Variants in GSE1 observed in about 807,000 individuals in gnomAD.
GSE1 encodes genetic suppressor element 1.
GSE1 carries 32 observed loss-of-function variants against 112.6 expected under a neutral mutation model. The observed-to-expected ratio is 0.28, with a 90% CI of 0.21 to 0.38. The LOEUF (loss-of-function observed/expected upper bound fraction) is 0.38. Ranked by LOEUF, GSE1 falls within the 10% of genes least tolerant of loss-of-function variation. GSE1 has a pLI of 1.00. For synonymous variants in GSE1, 1,115 were observed against 735.6 expected, an observed-to-expected ratio of 1.52 and a Z score of -8.35; for missense variants, 2,348 against 1,699.2, an observed-to-expected ratio of 1.38 and a Z score of -6.71.
chr16:85,637,512 G>A (rs572452277), intron 2 of GSE1, among the ~76,000 whole-genome samples: 44 of 151,878 alleles, frequency 2.9e-4, no homozygotes, highest in South Asian at 4.1e-4. Context: ...CCTTGATCGC[G>A]GCAGTGGCTA....
chr16:85,296,327 G>A (rs979404467), intron 1 of GSE1, among the ~76,000 whole-genome samples: 19 of 152,144 alleles, frequency 1.2e-4, no homozygotes, highest in Middle Eastern at 3.4e-3. Flanking sequence ...ACAAAGGGCC[G>A]GGTGCAGTGG....
intron 1 of GSE1, among the ~76,000 whole-genome samples, chr16:85,575,294 A>G (rs1323700038): frequency 6.6e-6 from 1 of 152,070 alleles, no homozygotes; most frequent in Non-Finnish European, 1.5e-5. Flanking sequence ...CAAACGAGGC[A>G]CTCCAGGATT....
At chr16:85,182,350 G>T (rs1264822424) in intron 1 of GSE1, among the ~76,000 whole-genome samples, 1 of 152,238 alleles carries the variant, frequency 6.6e-6, no homozygotes, top group Non-Finnish European at 1.5e-5. Context: ...TCCAGAGGAT[G>T]GGAGGAGGCT....
At chr16:85,270,099 T>C (rs1188336404) in intron 1 of GSE1, among the ~76,000 whole-genome samples, 1 of 149,226 alleles carries the variant, frequency 6.7e-6, no homozygotes, top group Non-Finnish European at 1.5e-5. Context: ...CCTTCTGCTG[T>C]GGAGCCTAGC....
intron 2 of GSE1, among the ~76,000 whole-genome samples, chr16:85,514,631 G>C (rs2051865546): frequency 6.6e-6 from 1 of 152,220 alleles, no homozygotes; most frequent in East Asian, 1.9e-4. Context: ...GCTGAGCTCA[G>C]AGGCTCTGCG....
intron 2 of GSE1, among the ~76,000 whole-genome samples, chr16:85,635,349 A>T (rs1252653994): frequency 6.6e-6 from 1 of 152,066 alleles, no homozygotes; most frequent in East Asian, 1.9e-4. Flanking sequence ...CACAGGCAGG[A>T]CCGCCAGAAA....
chr16:85,381,141 C>A (rs996105917), intron 2 of GSE1, among the ~76,000 whole-genome samples: 4 of 152,192 alleles, frequency 2.6e-5, no homozygotes, highest in Non-Finnish European at 5.9e-5. Flanking sequence ...TGGCAACCAT[C>A]GATCTACTTT....
At position 85,193,869 on chromosome 16, in the gene GSE1, G is replaced by T. The variant is rs545849716; in HGVS notation, c.2283+22062G>T. Among the ~76,000 whole-genome samples the T allele has an allele frequency of 7.7e-4, 117 of 152,316 alleles. 1 individual carries two copies. In the Middle Eastern group the frequency reaches 0.01, roughly 13 times the overall value. Reference sequence around the variant, plus strand: ...GAATGTTTCCCAGTGGTAACCTTTTGGGTAACTATAGTACAATGCCACAGT... The same window carrying T: ...GAATGTTTCCCAGTGGTAACCTTTTTGGTAACTATAGTACAATGCCACAGT... On this transcript the variant is annotated intron_variant, in intron 1 of 2. Coordinates refer to the GSE1 transcript ENST00000637419.
chr16:85,654,369 C>T lies in GSE1; in HGVS notation c.518C>T (p.Pro173Leu), dbSNP rs370775268. ...GAGAAGGCAGGGGGACCAGCCATCC[C>T]CTCGCACCTGCTCAGCACCCCCTAC... ...PQEKAGGPAI[P>L]SHLLSTPYPF... The change falls in exon 4 of 16, where the codon CCC (proline) becomes CTC (leucine). Residue 173 changes from proline to leucine, a missense_variant. Pro to Leu is a moderately conservative substitution (Grantham distance 98, BLOSUM62 -3). Coordinates refer to ENST00000253458, the MANE Select transcript of GSE1 (RefSeq NM_014615.5). The T allele has an allele frequency of 1.9e-6, 3 of 1,612,078 alleles. No homozygotes were observed. Among genetic ancestry groups the T allele is most frequent in the South Asian group, 1.1e-5 (1 of 91,068 alleles).
At chr16:85,246,929 C>A (rs570031496) in intron 1 of GSE1, among the ~76,000 whole-genome samples, 1 of 152,162 alleles carries the variant, frequency 6.6e-6, no homozygotes, top group East Asian at 1.9e-4. Flanking sequence ...GTTGGGTTAC[C>A]CCCTGCTAAT....
intron 2 of GSE1, among the ~76,000 whole-genome samples, chr16:85,429,785 C>T (rs114998600): frequency 1.2e-4 from 19 of 152,350 alleles, no homozygotes; most frequent in African/African-American, 2.9e-4. Flanking sequence ...CCTTGCTTCC[C>T]GCACAGCCTC....
At chr16:85,452,198 C>T (rs1198424273) in intron 2 of GSE1, among the ~76,000 whole-genome samples, 4 of 152,216 alleles carry the variant, frequency 2.6e-5, no homozygotes, top group Non-Finnish European at 5.9e-5. Flanking sequence ...GCAATTAAGC[C>T]GATTATGTTT....
intron 2 of GSE1, among the ~76,000 whole-genome samples, chr16:85,543,685 G>A (rs1480005817): frequency 1.3e-5 from 2 of 152,206 alleles, no homozygotes; most frequent in Non-Finnish European, 2.9e-5. Context: ...TGGTAAAGCT[G>A]GGGCCAAGAG....
chr16:85,336,575 G>A (rs1014198872), intron 1 of GSE1, among the ~76,000 whole-genome samples: 8 of 152,110 alleles, frequency 5.3e-5, no homozygotes, highest in Non-Finnish European at 1.2e-4. Flanking sequence ...ATGTTCATGT[G>A]TGCACAGGAC....
chr16:85,609,641 G>A (rs576206014), upstream of GSE1, among the ~76,000 whole-genome samples: 1 of 152,166 alleles, frequency 6.6e-6, no homozygotes, highest in African/African-American at 2.4e-5. Context: ...GTTCATCTGA[G>A]ATGGAAAGCT....
chr16:85,374,469 A>G lies in GSE1; in HGVS notation c.2464+16826A>G, dbSNP rs199891254. 3.3e-4 allele frequency among the ~76,000 whole-genome samples: 50 copies of G among 151,246 alleles called. 1 individual carries two copies. The East Asian group carries it at 9.2e-3, about 28-fold the overall frequency. The stretch of plus-strand genomic sequence containing the variant: ...TGTCCATGTGCATTTTTGTGTGCAC[A>G]TGTATGATTGTGTGTGGGTGTGTGG... On this transcript the variant is annotated intron_variant, in intron 2 of 2. Transcript: ENST00000637419.
At chr16:85,632,933 G>A (rs1598463186) in intron 1 of GSE1, among the ~76,000 whole-genome samples, 1 of 152,194 alleles carries the variant, frequency 6.6e-6, no homozygotes, top group South Asian at 2.1e-4. Context: ...GCGGACTGAG[G>A]GCTTGTTTGG....
chr16:85,469,101 A>C (rs182582541), intron 2 of GSE1, among the ~76,000 whole-genome samples: 1 of 152,282 alleles, frequency 6.6e-6, no homozygotes, highest in African/African-American at 2.4e-5. Context: ...CTAAAAATAC[A>C]AAAAGTTAGC....
chr16:85,361,266 A>G lies in GSE1; in HGVS notation c.2464+3623A>G, dbSNP rs566903477. Reference sequence around the variant, plus strand: ...GACAGGCACAGACCCCCCACACACAAACATACAGACGCACACAAGGGCAGA... The same window carrying G: ...GACAGGCACAGACCCCCCACACACAGACATACAGACGCACACAAGGGCAGA... On this transcript the variant is annotated intron_variant, in intron 2 of 2. Transcript: ENST00000637419. Among the ~76,000 whole-genome samples the G allele has an allele frequency of 4.0e-5, 5 of 125,910 alleles. No individual in the cohort carries two copies. In the South Asian group the frequency reaches 8.9e-4, roughly 22 times the overall value. 82.6% of individuals were successfully genotyped at this position (125,910 alleles called of 152,430 possible).
Sources: allele counts gnomAD v4.1 joint callset (sites outside exome capture counted in the v4.1 genomes callset), GRCh38; gene constraint gnomAD v4.1.1; transcripts MANE v1.5; gene names NCBI Gene and HGNC (gene_info 2026-07-23, HGNC 2026-07-21).